The following SHANK2 variants were observed in gnomAD, a reference collection of about 807,000 sequenced individuals.
The protein encoded by SHANK2 is SH3 and multiple ankyrin repeat domains 2.
SHANK2 carries 43 observed loss-of-function variants against 133.7 expected under a neutral mutation model. That is an observed-to-expected ratio of 0.32 (90% CI 0.25 to 0.41). SHANK2 has a LOEUF of 0.41. Ranked by LOEUF, SHANK2 falls within the 10% of genes least tolerant of loss-of-function variation. SHANK2 has a pLI of 1.00. For synonymous variants in SHANK2, 1,017 were observed against 952.8 expected, an observed-to-expected ratio of 1.07 and a Z score of -1.24; for missense variants, 1,994 against 2,235.8, an observed-to-expected ratio of 0.89 and a Z score of 2.18.
chr11:71,086,955 T>C (rs891243508), intron 8 of SHANK2, among the ~76,000 whole-genome samples: 5 of 152,210 alleles, frequency 3.3e-5, no homozygotes, highest in African/African-American at 1.2e-4. Flanking sequence ...GGGCCTTTCA[T>C]GAACAGGCAG....
chr11:70,938,955 C>A (rs781907750), intron 10 of SHANK2, among the ~76,000 whole-genome samples: 5 of 152,072 alleles, frequency 3.3e-5, no homozygotes, highest in Admixed American at 6.6e-5. Flanking sequence ...TCTGGGCCAC[C>A]AGCAGTGGGA....
At chr11:70,607,104 C>A (rs2060588893) in intron 17 of SHANK2, among the ~76,000 whole-genome samples, 1 of 152,196 alleles carries the variant, frequency 6.6e-6, no homozygotes, top group Non-Finnish European at 1.5e-5. Flanking sequence ...TCTTCTGTGG[C>A]CCCTCAGACG....
chr11:70,734,353 G>A (rs1434519611), intron 14 of SHANK2, among the ~76,000 whole-genome samples: 1 of 152,230 alleles, frequency 6.6e-6, no homozygotes, highest in Non-Finnish European at 1.5e-5. Context: ...GAAGGTGTGT[G>A]AAGGTGACTT....
intron 2 of SHANK2, among the ~76,000 whole-genome samples, chr11:71,167,700 G>A (rs529340406): frequency 6.9e-4 from 99 of 143,768 alleles, no homozygotes; most frequent in Admixed American, 1.2e-3. Context: ...TGGACGGAGC[G>A]GCTGGCCGGG....
At chr11:71,213,456 G>A (rs1292458774) in intron 2 of SHANK2, among the ~76,000 whole-genome samples, 1 of 152,088 alleles carries the variant, frequency 6.6e-6, no homozygotes, top group African/African-American at 2.4e-5. Flanking sequence ...AAATCCCCAG[G>A]GGCAAGGTTT....
chr11:71,096,183 G>A (rs1352809946), intron 6 of SHANK2, among the ~76,000 whole-genome samples: 1 of 152,226 alleles, frequency 6.6e-6, no homozygotes, highest in Non-Finnish European at 1.5e-5. Context: ...ATGAATGAAT[G>A]CCATTGCACA....
chr11:70,722,275 T>C (rs1555029383), intron 14 of SHANK2, among the ~76,000 whole-genome samples: 1 of 152,238 alleles, frequency 6.6e-6, no homozygotes, highest in East Asian at 1.9e-4. Context: ...AAGTTGGCCT[T>C]AGTGGCTGGC....
chr11:71,118,888 C>T lies in SHANK2; in HGVS notation c.352G>A (p.Glu118Lys). 9 of 1,551,780 alleles carry T rather than the reference C, an allele frequency of 5.8e-6. No homozygotes were observed. Among genetic ancestry groups the T allele is most frequent in the Non-Finnish European group, 7.8e-6 (9 of 1,147,010 alleles). ...SNGRDGKFLD[E>K]ERLLREYPQP... ...GGGTACTCGCGCAGGAGCCGCTCCT[C>T]ATCCAGGAACTTGCCGTCACGCCCA... The change falls in exon 4 of 26, where the codon GAG becomes AAG. Residue 118 changes from glutamate to lysine, a missense_variant. By Grantham distance (56) the Glu-to-Lys change is moderately conservative. Around this residue, in one of 5 missense-constraint regions of SHANK2, gnomAD observed 653 missense variants for 563.4 expected, o/e 1.16. Coordinates refer to ENST00000601538, the MANE Select transcript of SHANK2 (RefSeq NM_012309.5).
At chr11:70,766,197 C>T (rs1555041329) in intron 14 of SHANK2, among the ~76,000 whole-genome samples, 1 of 152,244 alleles carries the variant, frequency 6.6e-6, no homozygotes, top group African/African-American at 2.4e-5. Context: ...TAAGCAGCCA[C>T]CTTGAACTGC....
intron 11 of SHANK2, among the ~76,000 whole-genome samples, chr11:70,828,734 G>A (rs1047672227): frequency 1.3e-5 from 2 of 152,232 alleles, no homozygotes; most frequent in Admixed American, 6.5e-5. Flanking sequence ...CACCGTGTCC[G>A]TATTGGTGTG....
intron 10 of SHANK2, among the ~76,000 whole-genome samples, chr11:70,918,017 GTTTT>G (rs59714843): frequency 2.7e-5 from 4 of 150,154 alleles, no homozygotes; most frequent in Admixed American, 6.6e-5. Context: ...GAACTTAAAA[GTTTT>G]TTTTTTTTTT....
chr11:71,070,890 C>A (rs1951134065), intron 9 of SHANK2, among the ~76,000 whole-genome samples: 1 of 152,166 alleles, frequency 6.6e-6, no homozygotes, highest in African/African-American at 2.4e-5. Flanking sequence ...TCCTGAGAGC[C>A]CCAGCCAGCT....
intron 17 of SHANK2, among the ~76,000 whole-genome samples, chr11:70,656,512 G>C (rs1366549061): frequency 1.3e-5 from 2 of 152,030 alleles, no homozygotes; most frequent in Non-Finnish European, 2.9e-5. Context: ...CCCTCCCACG[G>C]CCTCTGAAAT....
chr11:71,060,658 A>G (rs1398794203), intron 9 of SHANK2, among the ~76,000 whole-genome samples: 1 of 152,238 alleles, frequency 6.6e-6, no homozygotes, highest in African/African-American at 2.4e-5. Context: ...TGGAGCTGTC[A>G]GCCTGAGGCC....
chr11:71,112,308 G>A (rs570595601), intron 5 of SHANK2, among the ~76,000 whole-genome samples: 51 of 152,318 alleles, frequency 3.3e-4, no homozygotes, highest in Middle Eastern at 3.4e-3. Flanking sequence ...CAGAAGGATC[G>A]CTTGAACCCG....
intron 2 of SHANK2, among the ~76,000 whole-genome samples, chr11:71,157,998 G>A (rs1427840042): frequency 6.6e-6 from 1 of 152,138 alleles, no homozygotes; most frequent in Non-Finnish European, 1.5e-5. Flanking sequence ...GGACAGCCTG[G>A]GGGGACACAA....
chr11:70,581,389 C>T (rs1261964132), intron 17 of SHANK2, among the ~76,000 whole-genome samples: 3 of 152,020 alleles, frequency 2.0e-5, no homozygotes, highest in South Asian at 2.1e-4. Context: ...CCATAACTCA[C>T]TGTACTTTAA....
At position 70,948,167 on chromosome 11, in the gene SHANK2, GCT is replaced by G. The variant is rs371010934; in HGVS notation, c.1108-51602_1108-51601del. On this transcript the variant is annotated intron_variant, in intron 10 of 25. Transcript: ENST00000601538. ...CCAAATGTCACAGAAGCCGCCCTCG[GCT>G]CCCAGCGTGAAGGAAACTCGCTTCC... The G allele has an allele frequency of 5.1e-4, 209 of 409,232 alleles. 1 individual carries two copies. The highest frequency in any genetic ancestry group is 3.9e-3 in the African/African-American group (191 of 49,030). 25.4% of individuals were successfully genotyped at this position (409,232 alleles called of 1,614,324 possible).
intron 10 of SHANK2, among the ~76,000 whole-genome samples, chr11:70,939,766 A>G (rs1590854955): frequency 6.6e-6 from 1 of 152,178 alleles, no homozygotes; most frequent in South Asian, 2.1e-4. Context: ...AGAGGTAGGC[A>G]GAACAACGGC....
Sources: allele counts gnomAD v4.1 joint callset (sites outside exome capture counted in the v4.1 genomes callset), GRCh38; gene constraint gnomAD v4.1.1; regional missense constraint gnomAD v4.1.1; transcripts MANE v1.5; gene names NCBI Gene and HGNC (gene_info 2026-07-23, HGNC 2026-07-21).